Variants in SMTNL1 observed in about 807,000 individuals in gnomAD.
SMTNL1 encodes the protein smoothelin like 1.
Under a neutral mutation model 46.6 loss-of-function variants are expected in SMTNL1, and 41 were observed. The ratio of observed to expected loss-of-function variants is 0.88; its 90% confidence interval spans 0.69 to 1.14. SMTNL1 has a LOEUF of 1.14. Among genes scored for constraint, SMTNL1 ranks in the 50% most tolerant of loss-of-function variants. The pLI, the probability that SMTNL1 is intolerant of heterozygous loss-of-function variation, is 0.00. For missense variants in SMTNL1, 591 were observed against 626.1 expected, an observed-to-expected ratio of 0.94 and a Z score of 0.60; for synonymous variants, 234 against 234.2, an observed-to-expected ratio of 1.00 and a Z score of 0.01.
rs568322604 is a variant in SMTNL1 at position 57,543,642 on chromosome 11, G to A, written c.751G>A (p.Glu251Lys). The A allele has an allele frequency of 9.3e-6, 15 of 1,607,718 alleles. No homozygotes were observed. Among genetic ancestry groups the A allele is most frequent in the South Asian group, 2.2e-5 (2 of 89,326 alleles). ...ATTCCAGGAGCCAGGCAGTCCCAGC[G>A]AAGAGCAGGAGCAGGACGTGGAAAA... ...AEEAEPGSPSEEQEQDVEKEP... is the reference protein window; with the variant it reads ...AEEAEPGSPSKEQEQDVEKEP... Residue 251 changes from glutamate to lysine, a missense_variant, in exon 3 of 8, where the codon GAA becomes AAA. Glu to Lys is a moderately conservative substitution (Grantham distance 56). Coordinates refer to ENST00000527972, the MANE Select transcript of SMTNL1 (RefSeq NM_001105565.3).
chr11:57,541,501 C>T, intron 1 of SMTNL1: 2 of 1,367,180 alleles, frequency 1.5e-6, no homozygotes, highest in South Asian at 1.1e-5. Flanking sequence ...TCATAATCTA[C>T]CCCCATGCTC....
At chr11:57,541,667 G>T in intron 1 of SMTNL1, 1 of 1,155,764 alleles carries the variant, frequency 8.7e-7, no homozygotes. Flanking sequence ...TTGGCCCTGG[G>T]GTTCCCAAAT....
Position 57,542,968 on chromosome 11 carries a change from A to C in SMTNL1, c.326A>C (p.Gln109Pro). The C allele has an allele frequency of 1.9e-6, 3 of 1,602,412 alleles. No individual in the cohort carries two copies. The highest frequency in any genetic ancestry group is 2.6e-6 in the Non-Finnish European group (3 of 1,174,416). ...GEKEETTVGS[Q>P]EMTGRKEETK... ...AAGGAAGAGACCACTGTGGGTTCTC[A>C]GGAGATGACTGGCAGGAAAGAAGAG... is the stretch of plus-strand genomic sequence containing the variant. Residue 109 changes from glutamine to proline, a missense_variant, in exon 2 of 8, where the codon CAG becomes CCG. By Grantham distance (76) the Gln-to-Pro change is moderately conservative. Coordinates refer to ENST00000527972, the MANE Select transcript of SMTNL1 (RefSeq NM_001105565.3).
rs1944893224 is a variant in SMTNL1, at chr11:57,543,117, A to T, written c.475A>T (p.Lys159Ter). 6.2e-7 allele frequency: 1 copy of T among 1,612,806 alleles called. No homozygotes were observed. Among genetic ancestry groups the T allele is most frequent in the African/African-American group, 1.3e-5 (1 of 74,918 alleles). ...GAAAGCCGATGCCAATGACAGAGAC[A>T]AGCCTGAACCTAAGGCAACAGTTGA... ...GQKADANDRD[K>*]PEPKATVEEE... The change falls in exon 2 of 8, where the codon AAG becomes TAG. Residue 159 changes from lysine to a stop codon, truncating the protein, a stop_gained. Coordinates refer to ENST00000527972, the MANE Select transcript of SMTNL1 (RefSeq NM_001105565.3). LOFTEE classifies it high-confidence loss of function.
chr11:57,550,014 C>T lies in SMTNL1; in HGVS notation c.1387C>T (p.Arg463Trp), dbSNP rs779565620. 1.8e-5 allele frequency: 29 copies of T among 1,613,820 alleles called. No individual in the cohort carries two copies. The highest frequency in any genetic ancestry group is 5.0e-5 in the Admixed American group (3 of 59,990). The change falls in exon 8 of 8, where the codon CGG becomes TGG. Residue 463 changes from arginine to tryptophan, a missense_variant. Physicochemically the swap from Arg to Trp is moderately radical, Grantham distance 101 (BLOSUM62 -3). Transcript: ENST00000527972. ...GCTGCTGGACGTGGATGACATGGTGCGGTTGGCTGTGCCCGACTCCAAGTG... is the reference window on the plus strand; with the variant it reads ...GCTGCTGGACGTGGATGACATGGTGTGGTTGGCTGTGCCCGACTCCAAGTG... The part of the protein sequence containing the change: ...AQLLDVDDMV[R>W]LAVPDSKCVY...
chr11:57,542,109 AAAAAAC>A (rs142769072), intron 1 of SMTNL1, among the ~76,000 whole-genome samples: 14,069 of 60,156 alleles, frequency 0.23, 712 homozygotes, highest in South Asian at 0.4. Context: ...CTCTACAAAA[AAAAAAC>A]ACACACACAC....
intron 5 of SMTNL1, 77 bp from the exon 6 acceptor site, chr11:57,546,156 G>A: frequency 6.6e-7 from 1 of 1,506,100 alleles, no homozygotes; most frequent in South Asian, 1.3e-5. Context: ...ACACCTGGGG[G>A]CTGGGGATCC....
At chr11:57,541,134 A>G (rs1278338712) in intron 1 of SMTNL1, among the ~76,000 whole-genome samples, 14 of 152,216 alleles carry the variant, frequency 9.2e-5, no homozygotes, top group Admixed American at 9.2e-4. Flanking sequence ...TAGTGAGGGC[A>G]TCGAATTCAG....
At position 57,546,285 on chromosome 11, in the gene SMTNL1, G is replaced by C; in HGVS notation, c.1126G>C (p.Ala376Pro). 1.2e-6 allele frequency: 2 copies of C among 1,611,444 alleles called. No homozygotes were observed. Among genetic ancestry groups the C allele is most frequent in the Non-Finnish European group, 1.7e-6 (2 of 1,178,942 alleles). The change falls in exon 6 of 8, where the codon GCC (alanine) becomes CCC (proline). Residue 376 changes from alanine (A) to proline (P), a missense_variant. Transcript: ENST00000527972. ...CCGCAACACTAAGGCAGCCGGGGCA[G>C]CCATTGGTGGTGTCAAGAACATGCT... is the stretch of plus-strand genomic sequence containing the variant. Reference protein sequence around the residue: ...LFRNTKAAGAAIGGVKNMLLE... With the variant: ...LFRNTKAAGAPIGGVKNMLLE...
At position 57,542,814 on chromosome 11, in the gene SMTNL1, G is replaced by A; in HGVS notation, c.172G>A (p.Ala58Thr). ...TESGKQEKAP[A>T]EDGMSAELQG... is the part of the protein sequence containing the mutation. Reference sequence around the variant, plus strand: ...GTCAGGAAAGCAGGAAAAGGCACCAGCCGAGGACGGCATGTCAGCAGAACT... The same window carrying A: ...GTCAGGAAAGCAGGAAAAGGCACCAACCGAGGACGGCATGTCAGCAGAACT... The change falls in exon 2 of 8, where the codon GCC (alanine) becomes ACC (threonine). Residue 58 changes from alanine to threonine, a missense_variant. Physicochemically the swap from Ala to Thr is moderately conservative, Grantham distance 58. Transcript: ENST00000527972. 1 of 1,613,800 alleles carries A rather than the reference G, an allele frequency of 6.2e-7. No homozygotes were observed. The highest frequency in any genetic ancestry group is 8.5e-7 in the Non-Finnish European group (1 of 1,179,830).
At chr11:57,541,649 G>C (rs1944878910) in intron 1 of SMTNL1, 1 of 1,280,760 alleles carries the variant, frequency 7.8e-7, no homozygotes. Context: ...CAAAGCTCCA[G>C]AGACCAGTTG....
chr11:57,546,087 T>C, intron 5 of SMTNL1, 51 bp downstream of exon 5: 1 of 1,534,354 alleles, frequency 6.5e-7, no homozygotes, highest in Non-Finnish European at 8.8e-7. Flanking sequence ...GAACCCTGGG[T>C]TGGTGGGAGG....
chr11:57,545,764 C>T, intron 4 of SMTNL1, 117 bp from the exon 5 acceptor site: 2 of 1,006,534 alleles, frequency 2.0e-6, no homozygotes, highest in Non-Finnish European at 2.9e-6. Context: ...CTGGGCACAG[C>T]TGCACACACC....
chr11:57,544,096 A>G (rs1343834417), intron 4 of SMTNL1, among the ~76,000 whole-genome samples, 176 bp downstream of exon 4: 2 of 152,232 alleles, frequency 1.3e-5, no homozygotes, highest in Non-Finnish European at 2.9e-5. Context: ...AGCCAGAGGC[A>G]TGGTCGGCTG....
At chr11:57,543,572 C>A (rs1389687031) in intron 2 of SMTNL1, 52 bp from the exon 3 acceptor site, 4 of 1,582,204 alleles carry the variant, frequency 2.5e-6, no homozygotes, top group African/African-American at 1.3e-5. Context: ...CCTCATGAAG[C>A]CAGGGCAGGT....
chr11:57,542,136 ACAC>A (rs745429085), intron 1 of SMTNL1, among the ~76,000 whole-genome samples: 1 of 149,998 alleles, frequency 6.7e-6, no homozygotes, highest in Non-Finnish European at 1.5e-5. Context: ...ACACACACAC[ACAC>A]ACACAAAAAT....
rs570128247 is a variant in SMTNL1, at chr11:57,541,329, C to T, written c.-2-1312C>T. On this transcript the variant is annotated intron_variant, in intron 1 of 7. Transcript: ENST00000527972. ...CAGGAGTGTCCACTTTTCTTACTGC[C>T]TGAGTCATGCCCTGAGCCCTATTTG... Among the ~76,000 whole-genome samples, 14 of 152,278 alleles carry T rather than the reference C, an allele frequency of 9.2e-5. No individual in the cohort carries two copies. The East Asian group carries it at 1.5e-3, about 17-fold the overall frequency.
chr11:57,549,917 C>T (rs1350932688), intron 7 of SMTNL1, 51 bp from the exon 8 acceptor site: 3 of 1,603,656 alleles, frequency 1.9e-6, no homozygotes, highest in African/African-American at 1.3e-5. Context: ...CCCTTGGCTC[C>T]CATATCCTTC....
intron 5 of SMTNL1, 65 bp from the exon 6 acceptor site, chr11:57,546,168 C>A: frequency 6.6e-7 from 1 of 1,515,008 alleles, no homozygotes. Context: ...TGGGGATCCT[C>A]CCAGTGGGGC....
Sources: allele counts gnomAD v4.1 joint callset (sites outside exome capture counted in the v4.1 genomes callset), GRCh38; gene constraint gnomAD v4.1.1; transcripts MANE v1.5; gene names NCBI Gene and HGNC (gene_info 2026-07-23, HGNC 2026-07-21).